The following APOE variants were observed in gnomAD, a reference collection of about 807,000 sequenced individuals.
The protein encoded by APOE is apolipoprotein E3.
A neutral mutation model predicts 13.1 loss-of-function variants in APOE; 10 were observed. The ratio of observed to expected loss-of-function variants is 0.76; its 90% CI spans 0.47 to 1.29. The LOEUF (loss-of-function observed/expected upper bound fraction) is 1.29. Among genes scored for constraint, APOE ranks in the 50% most tolerant of loss-of-function variants. The pLI is 0.00. For missense variants in APOE, 471 were observed against 459.6 expected (o/e 1.02, Z -0.23); for synonymous variants, 211 against 207.1 (o/e 1.02, Z -0.16).
chr19:44,908,637 AG>A lies in APOE; in HGVS notation c.342del (p.Glu114AspfsTer137). 6.2e-7 allele frequency: 1 copy of A among 1,603,964 alleles called. No homozygotes were observed. Among genetic ancestry groups the A allele is most frequent in the Non-Finnish European group, 8.5e-7 (1 of 1,175,242 alleles). ...GAGACGCGGGCACGGCTGTCCAAGGAGCTGCAGGCGGCGCAGGCCCGGCTGG... is the reference window on the plus strand; with the variant it reads ...GAGACGCGGGCACGGCTGTCCAAGGACTGCAGGCGGCGCAGGCCCGGCTGG... Reference protein sequence around the residue: ...AEETRARLSKELQAAQARLGA... With the variant: ...AEETRARLSKXLQAAQARLGA... On this transcript the variant is annotated frameshift_variant, in exon 4 of 4. Transcript: ENST00000252486. LOFTEE classifies it low-confidence loss of function (END_TRUNC).
At position 44,907,926 on chromosome 19, in the gene APOE, C is replaced by T. The variant is rs781192562; in HGVS notation, c.210C>T (p.Leu70=). The T allele has an allele frequency of 1.1e-5, 18 of 1,613,746 alleles. No homozygotes were observed. The highest frequency in any genetic ancestry group is 1.4e-5 in the Non-Finnish European group (17 of 1,179,896). ...TLSEQVQEEL[L]SSQVTQELRA... Reference sequence around the variant, plus strand: ...CTGAGCAGGTGCAGGAGGAGCTGCTCAGCTCCCAGGTCACCCAGGAACTGA... The same window carrying T: ...CTGAGCAGGTGCAGGAGGAGCTGCTTAGCTCCCAGGTCACCCAGGAACTGA... Residue 70 remains leucine (L), a synonymous_variant, in exon 3 of 4, where the codon CTC becomes CTT. Transcript: ENST00000252486. This position sits in a 1 kb window ranked among gnomAD's most constrained non-coding sequence, Gnocchi z 4.1.
chr19:44,907,223 A>C lies in APOE; in HGVS notation c.44-537A>C. The C allele has an allele frequency of 4.9e-6, 1 of 203,074 alleles. No homozygotes were observed. The highest frequency in any genetic ancestry group is 8.8e-5 in the South Asian group (1 of 11,316). The allele number at this position is 203,074 out of a possible 1,614,324, so 12.6% of individuals were successfully genotyped here. ...CTAATGCATTGCAGGCAGATAGTGA[A>C]TACCAGACACGGGGCAGCTGTGATC... On this transcript the variant is annotated intron_variant, in intron 2 of 3. Transcript: ENST00000252486. The surrounding 1 kb of genome is among the most constrained non-coding windows in gnomAD (Gnocchi z 4.1).
At position 44,907,719 on chromosome 19, in the gene APOE, G is replaced by T. The variant is rs755062095; in HGVS notation, c.44-41G>T. ...CCTAGGTACTAGATGCCTGGACGGGGTCAGAAGGACCCTGACCCACCTTGA... is the reference window on the plus strand; with the variant it reads ...CCTAGGTACTAGATGCCTGGACGGGTTCAGAAGGACCCTGACCCACCTTGA... On this transcript the variant is annotated intron_variant, in intron 2 of 3. Transcript: ENST00000252486. The surrounding 1 kb of genome is among the most constrained non-coding windows in gnomAD (Gnocchi z 4.1). 2.6e-6 allele frequency: 4 copies of T among 1,567,388 alleles called. No individual in the cohort carries two copies. The highest frequency in any genetic ancestry group is 2.6e-6 in the Non-Finnish European group (3 of 1,159,896).
chr19:44,906,668 G>T lies in APOE; in HGVS notation c.43+1G>T. On this transcript the variant is annotated splice_donor_variant, in intron 2 of 3. Transcript: ENST00000252486. LOFTEE classifies it high-confidence loss of function. The stretch of plus-strand genomic sequence containing the variant: ...GCGTTGCTGGTCACATTCCTGGCAG[G>T]TATGGGGGCGGGGCTTGCTCGGTTC... 6.2e-7 allele frequency: 1 copy of T among 1,613,990 alleles called. No homozygotes were observed. The highest frequency in any genetic ancestry group is 8.5e-7 in the Non-Finnish European group (1 of 1,179,982).
chr19:44,906,141 T>C (rs1969802485), intron 1 of APOE, among the ~76,000 whole-genome samples: 1 of 152,222 alleles, frequency 6.6e-6, no homozygotes, highest in Non-Finnish European at 1.5e-5. Flanking sequence ...GTGTCCCCAG[T>C]GTCCTCAGAT....
rs370227413 is a variant in APOE at position 44,907,806 on chromosome 19, C to G, written c.90C>G (p.Pro30=). The change falls in exon 3 of 4, where the codon CCC becomes CCG. Residue 30 remains proline (P), a synonymous_variant. Coordinates refer to ENST00000252486, the MANE Select transcript of APOE (RefSeq NM_000041.4). The surrounding 1 kb of genome is among the most constrained non-coding windows in gnomAD (Gnocchi z 4.1). The stretch of plus-strand genomic sequence containing the variant: ...AAGCGGTGGAGACAGAGCCGGAGCC[C>G]GAGCTGCGCCAGCAGACCGAGTGGC... The part of the protein sequence containing the change: ...VEQAVETEPE[P]ELRQQTEWQS... 468 of 1,613,602 alleles carry G rather than the reference C, an allele frequency of 2.9e-4. No homozygotes were observed. The highest frequency in any genetic ancestry group is 3.8e-4 in the Non-Finnish European group (446 of 1,179,948).
intron 2 of APOE, 70 bp downstream of exon 2, chr19:44,906,737 CCA>C: frequency 6.6e-7 from 1 of 1,526,076 alleles, no homozygotes; most frequent in Non-Finnish European, 9.1e-7. Flanking sequence ...CCTCCTGGCC[CCA>C]TTCAGGCAGA....
Position 44,908,851 on chromosome 19 carries a change from C to A in APOE, c.555C>A (p.Arg185=). The change falls in exon 4 of 4, where the codon CGC becomes CGA. Residue 185 remains arginine, a synonymous_variant. Coordinates refer to ENST00000252486, the MANE Select transcript of APOE (RefSeq NM_000041.4). ...TGGCAGTGTACCAGGCCGGGGCCCGCGAGGGCGCCGAGCGCGGCCTCAGCG... is the reference window on the plus strand; with the variant it reads ...TGGCAGTGTACCAGGCCGGGGCCCGAGAGGGCGCCGAGCGCGGCCTCAGCG... ...KRLAVYQAGA[R]EGAERGLSAI... is the part of the protein sequence containing the mutation. The A allele has an allele frequency of 2.0e-6, 3 of 1,525,072 alleles. No homozygotes were observed. The highest frequency in any genetic ancestry group is 2.4e-5 in the South Asian group (2 of 83,594). The allele number at this position is 1,525,072 out of a possible 1,614,324, so 94.5% of individuals were successfully genotyped here.
intron 2 of APOE, 23 bp downstream of exon 2, chr19:44,906,690 G>T: frequency 6.2e-7 from 1 of 1,612,952 alleles, no homozygotes. Flanking sequence ...GGCTTGCTCG[G>T]TTCCCCCCGC....
chr19:44,908,767 C>T lies in APOE; in HGVS notation c.471C>T (p.Ser157=). The T allele has an allele frequency of 6.4e-7, 1 of 1,560,820 alleles. No individual in the cohort carries two copies. Among genetic ancestry groups the T allele is most frequent in the South Asian group, 1.2e-5 (1 of 85,136 alleles). Residue 157 remains serine (S), a synonymous_variant, in exon 4 of 4, where the codon TCC becomes TCT. Coordinates refer to ENST00000252486, the MANE Select transcript of APOE (RefSeq NM_000041.4). ...STEELRVRLA[S]HLRKLRKRLL... is the part of the protein sequence containing the mutation. ...AGGAGCTGCGGGTGCGCCTCGCCTC[C>T]CACCTGCGCAAGCTGCGTAAGCGGC... is the stretch of plus-strand genomic sequence containing the variant.
In APOE at chr19:44,906,335, G is replaced by C. The variant is rs900615332; in HGVS notation, c.-23-267G>C. 2.4e-5 allele frequency: 13 copies of C among 550,862 alleles called. No homozygotes were observed. In the South Asian group the frequency reaches 2.6e-4, roughly 11 times the overall value. 34.1% of individuals were successfully genotyped at this position (550,862 alleles called of 1,614,324 possible). On this transcript the variant is annotated intron_variant, in intron 1 of 3. Coordinates refer to ENST00000252486, the MANE Select transcript of APOE (RefSeq NM_000041.4). ...CTGAGATGGAACCGGCGGTGGGGAGGGGGTGGGGGGATGGAATTTGAACCC... is the reference window on the plus strand; with the variant it reads ...CTGAGATGGAACCGGCGGTGGGGAGCGGGTGGGGGGATGGAATTTGAACCC...
At chr19:44,906,985 A>G (rs1302485342) in intron 2 of APOE, 9 of 384,602 alleles carry the variant, frequency 2.3e-5, no homozygotes, top group Non-Finnish European at 4.4e-5. Flanking sequence ...GGTCCACGCC[A>G]TTCTCCTGCC....
chr19:44,908,789 C>T lies in APOE; in HGVS notation c.493C>T (p.Arg165Trp), dbSNP rs1402219759. 1.3e-6 allele frequency: 2 copies of T among 1,555,054 alleles called. No individual in the cohort carries two copies. The highest frequency in any genetic ancestry group is 8.7e-7 in the Non-Finnish European group (1 of 1,153,536). Residue 165 changes from arginine to tryptophan, a missense_variant, in exon 4 of 4, where the codon CGG becomes TGG. Coordinates refer to ENST00000252486, the MANE Select transcript of APOE (RefSeq NM_000041.4). ...CTCCCACCTGCGCAAGCTGCGTAAG[C>T]GGCTCCTCCGCGATGCCGATGACCT... is the stretch of plus-strand genomic sequence containing the variant. ...LASHLRKLRK[R>W]LLRDADDLQK...
rs1018669382 is a variant in APOE at position 44,908,759 on chromosome 19, C to T, written c.463C>T (p.Leu155Phe). The T allele has an allele frequency of 4.5e-6, 7 of 1,560,116 alleles. No individual in the cohort carries two copies. Among genetic ancestry groups the T allele is most frequent in the African/African-American group, 2.7e-5 (2 of 73,838 alleles). The change falls in exon 4 of 4, where the codon CTC becomes TTC. Residue 155 changes from leucine (L) to phenylalanine (F), a missense_variant. By Grantham distance (22) the Leu-to-Phe change is conservative. Transcript: ENST00000252486. ...GQSTEELRVR[L>F]ASHLRKLRKR... is the part of the protein sequence containing the mutation. ...GAGCACCGAGGAGCTGCGGGTGCGCCTCGCCTCCCACCTGCGCAAGCTGCG... is the reference window on the plus strand; with the variant it reads ...GAGCACCGAGGAGCTGCGGGTGCGCTTCGCCTCCCACCTGCGCAAGCTGCG...
In APOE at chr19:44,909,080, G is replaced by A. The variant is rs140808909; in HGVS notation, c.784G>A (p.Glu262Lys). The change falls in exon 4 of 4, where the codon GAG becomes AAG. Residue 262 changes from glutamate (E) to lysine (K), a missense_variant. Glu to Lys is a moderately conservative substitution (Grantham distance 56). Coordinates refer to ENST00000252486, the MANE Select transcript of APOE (RefSeq NM_000041.4). ...EQVAEVRAKL[E>K]EQAQQIRLQA... ...GGTGGCGGAGGTGCGCGCCAAGCTG[G>A]AGGAGCAGGCCCAGCAGATACGCCT... 247 of 1,580,482 alleles carry A rather than the reference G, an allele frequency of 1.6e-4. No individual in the cohort carries two copies. In the East Asian group the frequency reaches 5.6e-3, roughly 36 times the overall value.
chr19:44,906,696 C>T (rs368711626), intron 2 of APOE, 29 bp downstream of exon 2: 3 of 1,609,292 alleles, frequency 1.9e-6, no homozygotes, highest in East Asian at 2.2e-5. Context: ...CTCGGTTCCC[C>T]CCGCTCCTCC....
Position 44,908,930 on chromosome 19 carries a change from A to G in APOE, c.634A>G (p.Thr212Ala). 3 of 1,497,734 alleles carry G rather than the reference A, an allele frequency of 2.0e-6. No individual in the cohort carries two copies. Among genetic ancestry groups the G allele is most frequent in the South Asian group, 2.5e-5 (2 of 78,662 alleles). 92.8% of individuals were successfully genotyped at this position (1,497,734 alleles called of 1,614,324 possible). The change falls in exon 4 of 4, where the codon ACT becomes GCT. Residue 212 changes from threonine (T) to alanine (A), a missense_variant. Thr to Ala is a moderately conservative substitution (Grantham distance 58). Transcript: ENST00000252486. ...GGAACAGGGCCGCGTGCGGGCCGCC[A>G]CTGTGGGCTCCCTGGCCGGCCAGCC... is the stretch of plus-strand genomic sequence containing the variant. The part of the protein sequence containing the change: ...LVEQGRVRAA[T>A]VGSLAGQPLQ...
chr19:44,905,823 C>T lies in APOE; in HGVS notation c.-42C>T. The T allele has an allele frequency of 7.7e-7, 1 of 1,294,084 alleles. No individual in the cohort carries two copies. Among genetic ancestry groups the T allele is most frequent in the Non-Finnish European group, 1.0e-6 (1 of 983,162 alleles). 80.2% of individuals were successfully genotyped at this position (1,294,084 alleles called of 1,614,324 possible). A position where few individuals can be genotyped will look rare whatever the true frequency, so the allele number is the denominator to read the frequency against. On this transcript the variant is annotated 5_prime_UTR_variant, in exon 1 of 4. In the 5' UTR this introduces an upstream ATG that the reference lacks. Transcript: ENST00000252486. Reference sequence around the variant, plus strand: ...ACTCAGCCCCAGCGGAGGTGAAGGACGTCCTTCCCCAGGAGCCGGTGAGAA... The same window carrying T: ...ACTCAGCCCCAGCGGAGGTGAAGGATGTCCTTCCCCAGGAGCCGGTGAGAA...
rs1969883625 is a variant in APOE, at chr19:44,909,100, ACGCCTGCAGGCCGAGGCCTTCCAGGCC to A, written c.810_836del (p.Gln271_Leu279del). The A allele has an allele frequency of 2.5e-6, 4 of 1,587,738 alleles. No individual in the cohort carries two copies. The highest frequency in any genetic ancestry group is 3.4e-6 in the Non-Finnish European group (4 of 1,172,436). On this transcript the variant is annotated inframe_deletion, in exon 4 of 4. Transcript: ENST00000252486. The stretch of plus-strand genomic sequence containing the variant: ...AGCTGGAGGAGCAGGCCCAGCAGAT[ACGCCTGCAGGCCGAGGCCTTCCAGGCC>A]CGCCTCAAGAGCTGGTTCGAGCCCC...
Sources: gnomAD v4.1 joint callset for allele counts (sites outside exome capture counted in the v4.1 genomes callset) on GRCh38, gnomAD v4.1.1 for gene constraint, Gnocchi (gnomAD v3.1) non-coding constraint, MANE v1.5 for transcripts, NCBI Gene and HGNC (gene_info 2026-07-23, HGNC 2026-07-21) for gene names.